Variants in PCCA observed in about 807,000 individuals in gnomAD.
PCCA encodes propionyl-CoA carboxylase alpha chain, mitochondrial.
PCCA carries 74 observed loss-of-function variants against 101.3 expected under a neutral mutation model. The observed-to-expected ratio is 0.73, with a 90% CI of 0.61 to 0.89. The LOEUF (loss-of-function observed/expected upper bound fraction) is 0.89, where lower values mean the gene tolerates loss of function less well. PCCA is among the 40% of genes least tolerant of loss of function. The pLI, the probability that PCCA is intolerant of heterozygous loss-of-function variation, is 0.00. For synonymous variants in PCCA, 294 were observed against 313.6 expected (o/e 0.94, Z 0.66); for missense variants, 891 against 907.0 (o/e 0.98, Z 0.23).
chr13:100,347,111 G>A (rs2072379424), intron 18 of PCCA, among the ~76,000 whole-genome samples: 1 of 152,158 alleles, frequency 6.6e-6, no homozygotes, highest in Non-Finnish European at 1.5e-5. Flanking sequence ...TCCTGACCTT[G>A]TGATCCGCCT....
chr13:100,506,587 T>G (rs1171825095), intron 21 of PCCA, among the ~76,000 whole-genome samples: 3 of 152,304 alleles, frequency 2.0e-5, no homozygotes, highest in East Asian at 1.9e-4. Flanking sequence ...GTAAAAATAT[T>G]TAAGAAAACC....
chr13:100,511,543 C>G (rs2086479238), intron 21 of PCCA, among the ~76,000 whole-genome samples: 1 of 152,154 alleles, frequency 6.6e-6, no homozygotes, highest in Non-Finnish European at 1.5e-5. Flanking sequence ...TAGCACCTGC[C>G]CTTGAGTTGG....
At chr13:100,179,214 A>G (rs2056549161) in intron 6 of PCCA, among the ~76,000 whole-genome samples, 2 of 152,034 alleles carry the variant, frequency 1.3e-5, no homozygotes, top group African/African-American at 4.8e-5. Context: ...TTGCTTCCAT[A>G]AATAATTTTG....
At chr13:100,103,183 G>A (rs556911528) in intron 2 of PCCA, among the ~76,000 whole-genome samples, 28 of 152,184 alleles carry the variant, frequency 1.8e-4, no homozygotes, top group African/African-American at 6.3e-4. Context: ...TATATCTTTA[G>A]CAAAAATTGA....
intron 23 of PCCA, among the ~76,000 whole-genome samples, chr13:100,529,265 T>TAACA (rs1244171125): frequency 1.3e-5 from 2 of 152,178 alleles, no homozygotes; most frequent in South Asian, 2.1e-4. Flanking sequence ...GCTGCATCAC[T>TAACA]AACACTGCGT....
intron 7 of PCCA, 110 bp downstream of exon 7, chr13:100,209,573 C>CACA: frequency 1.2e-6 from 1 of 801,588 alleles, no homozygotes; most frequent in South Asian, 1.4e-5. Flanking sequence ...CACACACACA[C>CACA]ACATATGCAC....
At chr13:100,415,104 T>C (rs993958795) in intron 19 of PCCA, among the ~76,000 whole-genome samples, 4 of 151,990 alleles carry the variant, frequency 2.6e-5, no homozygotes, top group Non-Finnish European at 1.5e-5. Context: ...CTAGGATTCT[T>C]TCTAGCCCAC....
intron 10 of PCCA, among the ~76,000 whole-genome samples, chr13:100,264,125 GTATATA>G (rs1392617860): frequency 1.0e-5 from 1 of 98,600 alleles, no homozygotes; most frequent in Admixed American, 1.0e-4. Context: ...TCTGTATATC[GTATATA>G]TATGGTATCT....
chr13:100,371,947 A>G (rs533522497), intron 19 of PCCA, among the ~76,000 whole-genome samples: 1 of 152,360 alleles, frequency 6.6e-6, no homozygotes, highest in South Asian at 2.1e-4. Flanking sequence ...CAGCCTTTTC[A>G]ACATGAATAA....
At chr13:100,256,574 A>T (rs1185651630) in intron 8 of PCCA, among the ~76,000 whole-genome samples, 1 of 152,218 alleles carries the variant, frequency 6.6e-6, no homozygotes, top group African/African-American at 2.4e-5. Context: ...AGCAGGTGCC[A>T]TTTTAACTAA....
intron 4 of PCCA, 86 bp downstream of exon 4, chr13:100,112,147 C>A: frequency 1.1e-6 from 1 of 912,702 alleles, no homozygotes; most frequent in Non-Finnish European, 1.8e-6. Context: ...TTTTCTTGGC[C>A]TGCACAAGAT....
intron 18 of PCCA, among the ~76,000 whole-genome samples, chr13:100,352,399 CTTTT>C (rs67318662): frequency 3.0e-5 from 4 of 134,568 alleles, no homozygotes; most frequent in Non-Finnish European, 3.2e-5. Flanking sequence ...ACAAAATAGC[CTTTT>C]TTTTTTTTTT....
chr13:100,262,204 C>A (rs1387965540), intron 9 of PCCA, among the ~76,000 whole-genome samples: 1 of 151,864 alleles, frequency 6.6e-6, no homozygotes, highest in African/African-American at 2.4e-5. Context: ...ACCATCCTGG[C>A]CAACGTGTTG....
rs1325647347 is a variant in PCCA, at chr13:100,427,674, T to C, written c.1845+1943T>C. 2.0e-5 allele frequency among the ~76,000 whole-genome samples: 3 copies of C among 150,280 alleles called. No homozygotes were observed. The East Asian group carries it at 5.9e-4, about 30-fold the overall frequency. On this transcript the variant is annotated intron_variant, in intron 20 of 23. Coordinates refer to ENST00000376285, the MANE Select transcript of PCCA (RefSeq NM_000282.4). ...TTGCATCAAGTTAAGTACTCTCTAA[T>C]TGGAAGGAAATAAACTCAGAGAGGT... is the stretch of plus-strand genomic sequence containing the variant.
chr13:100,527,484 T>G, intron 22 of PCCA, 191 bp from the exon 23 acceptor site: 3 of 627,956 alleles, frequency 4.8e-6, no homozygotes, highest in East Asian at 6.0e-5. Flanking sequence ...GAGGACTTTA[T>G]GAGAGAGAGA....
intron 20 of PCCA, among the ~76,000 whole-genome samples, chr13:100,448,617 T>C (rs902586534): frequency 1.3e-5 from 2 of 152,236 alleles, no homozygotes; most frequent in Non-Finnish European, 2.9e-5. Context: ...TCATAGTATT[T>C]ACTTTTAATT....
chr13:100,158,100 G>A (rs2054061839), intron 6 of PCCA, among the ~76,000 whole-genome samples: 1 of 152,172 alleles, frequency 6.6e-6, no homozygotes, highest in Non-Finnish European at 1.5e-5. Flanking sequence ...GGCTAAGTGT[G>A]TTATAGCCTA....
intron 20 of PCCA, among the ~76,000 whole-genome samples, chr13:100,438,994 G>C (rs142473349): frequency 1.3e-3 from 195 of 152,248 alleles, no homozygotes; most frequent in African/African-American, 4.3e-3. Context: ...ATGGAGTTGG[G>C]TTTAACAGAA....
Position 100,524,845 on chromosome 13 carries a change from C to G in PCCA, c.2041-2830C>G, listed in dbSNP as rs146759722. Among the ~76,000 whole-genome samples the G allele has an allele frequency of 3.4e-3, 517 of 152,190 alleles. 18 individuals carry two copies. In the East Asian group the frequency reaches 0.072, roughly 21 times the overall value. On this transcript the variant is annotated intron_variant, in intron 22 of 23. Coordinates refer to ENST00000376285, the MANE Select transcript of PCCA (RefSeq NM_000282.4). Reference sequence around the variant, plus strand: ...TGAGATTGTGCCGCTGCACTCCAGCCTGGGCAACAGACCGAGATTCTGTCT... The same window carrying G: ...TGAGATTGTGCCGCTGCACTCCAGCGTGGGCAACAGACCGAGATTCTGTCT...
Sources: gnomAD v4.1 joint callset for allele counts (sites outside exome capture counted in the v4.1 genomes callset) on GRCh38, gnomAD v4.1.1 for gene constraint, MANE v1.5 for transcripts, NCBI Gene and HGNC (gene_info 2026-07-23, HGNC 2026-07-21) for gene names.